Variants in NRG3 observed in about 807,000 individuals in gnomAD.
NRG3 encodes the protein neuregulin 3.
Under a neutral mutation model 66.9 loss-of-function variants are expected in NRG3, and 31 were observed. The observed-to-expected ratio is 0.46, with a 90% CI of 0.35 to 0.63. The LOEUF (loss-of-function observed/expected upper bound fraction) is 0.63, where lower values mean the gene tolerates loss of function less well. Ranked by LOEUF, NRG3 falls within the 20% of genes least tolerant of loss-of-function variation. The pLI is 0.00. For synonymous variants in NRG3, 393 were observed against 359.4 expected (o/e 1.09, Z -1.06); for missense variants, 910 against 878.9 (o/e 1.04, Z -0.45).
Position 81,981,939 on chromosome 10 carries a change from C to G in NRG3, c.823+105776C>G, listed in dbSNP as rs1044029160. ...GAGATAAGTGATTAGATCTATGAGT[C>G]ACATCCATAATTTCTTTATGGAGTA... On this transcript the variant is annotated intron_variant, in intron 1 of 8. Coordinates refer to ENST00000372141, the MANE Select transcript of NRG3 (RefSeq NM_001010848.4). 2.6e-5 allele frequency among the ~76,000 whole-genome samples: 4 copies of G among 152,124 alleles called. No homozygotes were observed. The East Asian group carries it at 5.8e-4, about 22-fold the overall frequency.
At chr10:82,416,178 A>G (rs529577978) in intron 2 of NRG3, among the ~76,000 whole-genome samples, 1 of 152,312 alleles carries the variant, frequency 6.6e-6, no homozygotes, top group East Asian at 1.9e-4. Context: ...TGTAAAACAT[A>G]CCTTTCAAGA....
intron 1 of NRG3, among the ~76,000 whole-genome samples, chr10:82,244,827 G>A (rs374117539): frequency 1.4e-4 from 22 of 151,992 alleles, no homozygotes; most frequent in African/African-American, 5.1e-4. Context: ...GCCGCCTCCT[G>A]GGTTCAAGCA....
chr10:82,822,897 T>G (rs947666067), intron 3 of NRG3, among the ~76,000 whole-genome samples: 1 of 152,046 alleles, frequency 6.6e-6, no homozygotes, highest in Non-Finnish European at 1.5e-5. Context: ...TGGTGTGAGG[T>G]TGAATAAGCC....
At chr10:82,709,884 G>A (rs146416801) in intron 2 of NRG3, among the ~76,000 whole-genome samples, 1 of 152,114 alleles carries the variant, frequency 6.6e-6, no homozygotes, top group East Asian at 1.9e-4. Flanking sequence ...TCCTTTTCTG[G>A]TCTTCAAATC....
chr10:81,912,402 T>C (rs1249927872), intron 1 of NRG3, among the ~76,000 whole-genome samples: 1 of 152,152 alleles, frequency 6.6e-6, no homozygotes, highest in Non-Finnish European at 1.5e-5. Context: ...TTAAATTTTT[T>C]GTAGAGATGA....
In NRG3 at chr10:82,425,730, T is replaced by A. The variant is rs560115156; in HGVS notation, c.953+66862T>A. 2.0e-5 allele frequency among the ~76,000 whole-genome samples: 3 copies of A among 152,300 alleles called. 1 individual carries two copies. In the South Asian group the frequency reaches 6.2e-4, roughly 32 times the overall value. ...ATTTTATGTTCATTTGCCAAGCAAA[T>A]GTGTTTACTGTTTGTTGTAGTTATG... On this transcript the variant is annotated intron_variant, in intron 2 of 8. Coordinates refer to ENST00000372141, the MANE Select transcript of NRG3 (RefSeq NM_001010848.4).
intron 4 of NRG3, among the ~76,000 whole-genome samples, chr10:82,911,134 T>C (rs1845282216): frequency 6.6e-6 from 1 of 152,224 alleles, no homozygotes; most frequent in South Asian, 2.1e-4. Flanking sequence ...ATCTTTGCAG[T>C]GAGAGAAATC....
At chr10:82,504,195 T>C (rs1844462498) in intron 2 of NRG3, among the ~76,000 whole-genome samples, 1 of 152,212 alleles carries the variant, frequency 6.6e-6, no homozygotes, top group Admixed American at 6.5e-5. Context: ...TCATGAATGA[T>C]CAGTCAGATG....
At chr10:82,006,320 T>C (rs1045989018) in intron 1 of NRG3, among the ~76,000 whole-genome samples, 6 of 152,150 alleles carry the variant, frequency 3.9e-5, no homozygotes, top group Admixed American at 3.9e-4. Flanking sequence ...TTTCTTACAA[T>C]TGAATTTATC....
chr10:81,877,781 T>G (rs998245405), intron 1 of NRG3: 2 of 1,370,542 alleles, frequency 1.5e-6, no homozygotes, highest in East Asian at 2.9e-5. Context: ...AGCAGTCATT[T>G]TTGAGAGCAC....
chr10:82,596,042 A>C (rs1310604523), intron 2 of NRG3, among the ~76,000 whole-genome samples: 1 of 152,192 alleles, frequency 6.6e-6, no homozygotes, highest in Non-Finnish European at 1.5e-5. Flanking sequence ...TGAATTGATG[A>C]ATTAATGAGT....
intron 1 of NRG3, chr10:82,225,673 T>C (rs1170598070): frequency 6.6e-6 from 1 of 152,202 alleles, no homozygotes; most frequent in Non-Finnish European, 1.5e-5. Context: ...AGATAACTCA[T>C]GTCCCACACA....
At chr10:82,029,359 G>A (rs1456115445) in intron 1 of NRG3, among the ~76,000 whole-genome samples, 2 of 152,020 alleles carry the variant, frequency 1.3e-5, no homozygotes, top group East Asian at 1.9e-4. Flanking sequence ...AAAGTGAATG[G>A]GATTAAATTA....
At chr10:82,143,540 C>T (rs1240458756) in intron 1 of NRG3, among the ~76,000 whole-genome samples, 4 of 152,138 alleles carry the variant, frequency 2.6e-5, no homozygotes, top group Admixed American at 2.6e-4. Context: ...TCTACTGTTA[C>T]ATTTGTTCTA....
Position 82,530,927 on chromosome 10 carries a change from A to G in NRG3, c.953+172059A>G, listed in dbSNP as rs530677094. 7.3e-4 allele frequency among the ~76,000 whole-genome samples: 111 copies of G among 152,010 alleles called. 1 individual carries two copies. The highest frequency in any genetic ancestry group is 2.6e-3 in the African/African-American group (108 of 41,564). ...TAGTGAAATATTTTAAAGAATGATAAAAGGCAATTTATTTGTTGAATTGCA... is the reference window on the plus strand; with the variant it reads ...TAGTGAAATATTTTAAAGAATGATAGAAGGCAATTTATTTGTTGAATTGCA... On this transcript the variant is annotated intron_variant, in intron 2 of 8. Coordinates refer to ENST00000372141, the MANE Select transcript of NRG3 (RefSeq NM_001010848.4).
chr10:81,992,922 T>C (rs1337600688), intron 1 of NRG3, among the ~76,000 whole-genome samples: 5 of 152,232 alleles, frequency 3.3e-5, no homozygotes, highest in Admixed American at 6.5e-5. Flanking sequence ...TTAAAGTCTT[T>C]GTGAGACTTG....
intron 2 of NRG3, among the ~76,000 whole-genome samples, chr10:82,428,983 A>G (rs2089621342): frequency 6.6e-6 from 1 of 152,040 alleles, no homozygotes; most frequent in South Asian, 2.1e-4. Context: ...CCTGAGTAAT[A>G]ATATTTGTCT....
intron 1 of NRG3, among the ~76,000 whole-genome samples, chr10:82,256,854 G>A (rs1311049551): frequency 1.3e-5 from 2 of 152,272 alleles, no homozygotes; most frequent in Non-Finnish European, 2.9e-5. Context: ...AGAAAGAGAG[G>A]CAGGGAACAT....
At chr10:82,285,548 G>A (rs2079372149) in intron 1 of NRG3, among the ~76,000 whole-genome samples, 1 of 152,182 alleles carries the variant, frequency 6.6e-6, no homozygotes, top group African/African-American at 2.4e-5. Flanking sequence ...ATTATCCCGA[G>A]ATGGAAGGGA....
Sources: gnomAD v4.1 joint callset for allele counts (sites outside exome capture counted in the v4.1 genomes callset) on GRCh38, gnomAD v4.1.1 for gene constraint, MANE v1.5 for transcripts, NCBI Gene and HGNC (gene_info 2026-07-23, HGNC 2026-07-21) for gene names.